STARD13: variants seen among roughly 807,000 people sequenced by gnomAD.
STARD13 encodes the protein StAR related lipid transfer domain containing 13.
A neutral mutation model predicts 106.4 loss-of-function variants in STARD13; 62 were observed. That is an observed-to-expected ratio of 0.58 (90% CI 0.48 to 0.72). The LOEUF (loss-of-function observed/expected upper bound fraction) is 0.72. Ranked by LOEUF, STARD13 falls within the 30% of genes least tolerant of loss-of-function variation. The pLI is 0.00. For missense variants in STARD13, 1,387 were observed against 1,424.0 expected (o/e 0.97, Z 0.42); for synonymous variants, 565 against 553.0 (o/e 1.02, Z -0.31).
chr13:33,135,889 G>A (rs369430212), intron 4 of STARD13, among the ~76,000 whole-genome samples: 5 of 152,144 alleles, frequency 3.3e-5, no homozygotes, highest in Admixed American at 1.3e-4. Context: ...TTGGAAGGCC[G>A]AGGCGAACAG....
the STARD13 span, among the ~76,000 whole-genome samples, chr13:33,665,658 C>A: frequency 6.6e-6 from 1 of 152,182 alleles, no homozygotes; most frequent in Non-Finnish European, 1.5e-5. Flanking sequence ...TATAGGAGAA[C>A]GTGCATCTTT....
the STARD13 span, among the ~76,000 whole-genome samples, chr13:33,498,639 T>C: frequency 1.3e-5 from 2 of 152,162 alleles, no homozygotes; most frequent in Non-Finnish European, 2.9e-5. Flanking sequence ...CAAGATAAGA[T>C]ACAAATATTT....
At chr13:33,500,283 C>T in the STARD13 span, among the ~76,000 whole-genome samples, 1 of 152,106 alleles carries the variant, frequency 6.6e-6, no homozygotes, top group East Asian at 1.9e-4. Flanking sequence ...CCTGGCCAGC[C>T]ATCTTTTCAA....
chr13:33,122,329 G>C (rs1210292868), intron 7 of STARD13, among the ~76,000 whole-genome samples: 1 of 152,188 alleles, frequency 6.6e-6, no homozygotes, highest in Non-Finnish European at 1.5e-5. Context: ...AACAGCCCCA[G>C]CTCCCTCAGC....
chr13:33,245,325 A>G (rs1228118342), intron 1 of STARD13, among the ~76,000 whole-genome samples: 1 of 152,246 alleles, frequency 6.6e-6, no homozygotes, highest in Non-Finnish European at 1.5e-5. Flanking sequence ...CAAGAAGAAG[A>G]CAGAACACAA....
chr13:33,531,294 A>G, the STARD13 span, among the ~76,000 whole-genome samples: 1 of 152,224 alleles, frequency 6.6e-6, no homozygotes, highest in Non-Finnish European at 1.5e-5. Context: ...TGTTGAAAAC[A>G]GACAAATATA....
chr13:33,180,211 A>G (rs1885097408), intron 1 of STARD13, among the ~76,000 whole-genome samples: 2 of 152,260 alleles, frequency 1.3e-5, no homozygotes, highest in Non-Finnish European at 2.9e-5. Flanking sequence ...ACATTTGGAC[A>G]CATTCAGAAA....
At chr13:33,404,902 G>C in the STARD13 span, among the ~76,000 whole-genome samples, 658 of 151,600 alleles carry the variant, frequency 4.3e-3, 9 homozygotes, top group African/African-American at 0.015. Context: ...TCAGCCTCTC[G>C]AGGAGCTGGG....
In STARD13 at chr13:33,105,626, G is replaced by A. The variant is rs771621858; in HGVS notation, c.3309C>T (p.Pro1103=). 6.2e-7 allele frequency: 1 copy of A among 1,614,188 alleles called. No individual in the cohort carries two copies. The highest frequency in any genetic ancestry group is 1.7e-5 in the Admixed American group (1 of 60,030). The stretch of plus-strand genomic sequence containing the variant: ...TAGTTTCTGGGCCCTCAGCAATGAG[G>A]GGCTGGAAAGAGTTTCTAATCCTGG... ...EVARIRNSFQ[P]LIAEGPETKI Residue 1103 remains proline (P), a synonymous_variant, in exon 14 of 14, where the codon CCC becomes CCT. Transcript: ENST00000336934.
At chr13:33,290,158 T>A (rs987104634), upstream of STARD13, among the ~76,000 whole-genome samples, 3 of 152,182 alleles carry the variant, frequency 2.0e-5, no homozygotes, top group Non-Finnish European at 4.4e-5. Flanking sequence ...AAGCCAGGAA[T>A]GGCTCACTGT....
At chr13:33,473,073 G>T in the STARD13 span, among the ~76,000 whole-genome samples, 1 of 152,186 alleles carries the variant, frequency 6.6e-6, no homozygotes, top group South Asian at 2.1e-4. Flanking sequence ...ATTCTGAGTT[G>T]TCCTTGAACT....
At chr13:33,428,934 A>T in the STARD13 span, among the ~76,000 whole-genome samples, 1 of 152,212 alleles carries the variant, frequency 6.6e-6, no homozygotes, top group South Asian at 2.1e-4. Context: ...GCTCATCCTC[A>T]TTGCTCATCA....
chr13:33,435,942 C>T, the STARD13 span, among the ~76,000 whole-genome samples: 1 of 152,150 alleles, frequency 6.6e-6, no homozygotes, highest in Non-Finnish European at 1.5e-5. Flanking sequence ...TGATTTTCTT[C>T]ATAATAATTG....
the STARD13 span, among the ~76,000 whole-genome samples, chr13:33,605,810 C>A: frequency 2.0e-5 from 3 of 152,076 alleles, no homozygotes; most frequent in Admixed American, 1.3e-4. Context: ...GGCCATAGTT[C>A]TACTTCGGTA....
At chr13:33,335,876 G>A (rs1594277679) in intron 1 of STARD13, among the ~76,000 whole-genome samples, 1 of 152,184 alleles carries the variant, frequency 6.6e-6, no homozygotes, top group Admixed American at 6.5e-5. Flanking sequence ...GAGAAGCCTG[G>A]GCATTAAGTA....
chr13:33,492,668 AG>A, the STARD13 span, among the ~76,000 whole-genome samples: 1 of 152,238 alleles, frequency 6.6e-6, no homozygotes, highest in Non-Finnish European at 1.5e-5. Flanking sequence ...TGATCTAAAA[AG>A]GGGAAGTATG....
chr13:33,241,971 G>C (rs931308743), intron 1 of STARD13, among the ~76,000 whole-genome samples: 3 of 152,018 alleles, frequency 2.0e-5, no homozygotes, highest in Non-Finnish European at 4.4e-5. Flanking sequence ...CCCCGTCTGG[G>C]AAGTGAGGAG....
the STARD13 span, among the ~76,000 whole-genome samples, chr13:33,427,940 A>G: frequency 6.9e-6 from 1 of 145,498 alleles, no homozygotes. Flanking sequence ...GGGCAACAAC[A>G]GCGAAACTCC....
At chr13:33,664,497 G>A in the STARD13 span, among the ~76,000 whole-genome samples, 1 of 152,136 alleles carries the variant, frequency 6.6e-6, no homozygotes, top group Middle Eastern at 3.2e-3. Context: ...TGCATGTGAT[G>A]AAACTTAGCA....
Sources: allele counts gnomAD v4.1 joint callset (sites outside exome capture counted in the v4.1 genomes callset), GRCh38; gene constraint gnomAD v4.1.1; transcripts MANE v1.5; gene names NCBI Gene and HGNC (gene_info 2026-07-23, HGNC 2026-07-21).